NUAK1: variants seen among roughly 807,000 people sequenced by gnomAD.
NUAK1 encodes NUAK family SNF1-like kinase 1.
In NUAK1, 26 loss-of-function variants were observed where a neutral mutation model predicts 56.9. The ratio of observed to expected loss-of-function variants is 0.46; its 90% CI spans 0.33 to 0.63. The LOEUF is 0.63. Ranked by LOEUF, NUAK1 falls within the 30% of genes least tolerant of loss-of-function variation. The pLI is 0.02. For synonymous variants in NUAK1, 337 were observed against 336.0 expected (o/e 1.00, Z -0.03); for missense variants, 727 against 876.1 (o/e 0.83, Z 2.15).
intron 2 of NUAK1, among the ~76,000 whole-genome samples, chr12:106,096,215 A>AAATATTGAAT (rs1275694473): frequency 6.6e-6 from 1 of 152,150 alleles, no homozygotes; most frequent in African/African-American, 2.4e-5. Context: ...AGGCACTAGA[A>AAATATTGAAT]AATATTGAAT....
chr12:106,124,996 CAATAAATAAATA>C (rs55900706), intron 1 of NUAK1, among the ~76,000 whole-genome samples: 8,364 of 147,056 alleles, frequency 0.057, 306 homozygotes, highest in Middle Eastern at 0.1. Context: ...GACTCCATCT[CAATAAATAAATA>C]AATAAATAAA....
chr12:106,067,772 G>C lies in NUAK1; in HGVS notation c.1016C>G (p.Thr339Arg). ...ARIIDWHHRS[T>R]GLQADTEAKM... is the part of the protein sequence containing the mutation. ...GGCTTCGGTGTCAGCCTGCAGCCCT[G>C]TGGAACGGTGGTGCCAGTCAATGAT... is the stretch of plus-strand genomic sequence containing the variant. Residue 339 changes from threonine to arginine, a missense_variant, in exon 7 of 7, where the codon ACA becomes AGA. Physicochemically the swap from Thr to Arg is moderately conservative, Grantham distance 71 (BLOSUM62 -1). Coordinates refer to ENST00000261402, the MANE Select transcript of NUAK1 (RefSeq NM_014840.3). The surrounding 1 kb of genome is among the most constrained non-coding windows in gnomAD (Gnocchi z 6.0). 6.2e-7 allele frequency: 1 copy of C among 1,614,218 alleles called. No individual in the cohort carries two copies. Among genetic ancestry groups the C allele is most frequent in the Non-Finnish European group, 8.5e-7 (1 of 1,180,036 alleles).
Position 106,067,113 on chromosome 12 carries a change from C to G in NUAK1, c.1675G>C (p.Glu559Gln), listed in dbSNP as rs757047758. 2 of 1,614,084 alleles carry G rather than the reference C, an allele frequency of 1.2e-6. No individual in the cohort carries two copies. The highest frequency in any genetic ancestry group is 1.7e-6 in the Non-Finnish European group (2 of 1,180,034). The change falls in exon 7 of 7, where the codon GAG (glutamate) becomes CAG (glutamine). Residue 559 changes from glutamate (E) to glutamine (Q), a missense_variant. Transcript: ENST00000261402. The surrounding 1 kb of genome is among the most constrained non-coding windows in gnomAD (Gnocchi z 6.0). ...CGGCTGTAGCTCCGGGAGAGGCCCTCGGCAGGGACACCAGGCTCTGACAGG... is the reference window on the plus strand; with the variant it reads ...CGGCTGTAGCTCCGGGAGAGGCCCTGGGCAGGGACACCAGGCTCTGACAGG... The part of the protein sequence containing the change: ...ESLSEPGVPA[E>Q]GLSRSYSRPS...
chr12:106,131,246 G>A (rs921454094), intron 1 of NUAK1, among the ~76,000 whole-genome samples: 1 of 151,982 alleles, frequency 6.6e-6, no homozygotes, highest in African/African-American at 2.4e-5. Context: ...GCACAATTCA[G>A]GGGTTTTTAG....
chr12:106,109,183 G>C (rs1362027487), intron 1 of NUAK1, among the ~76,000 whole-genome samples: 8 of 152,118 alleles, frequency 5.3e-5, no homozygotes, highest in Admixed American at 4.6e-4. Context: ...GAGTGGTGGC[G>C]GACCCATCCA....
chr12:106,115,313 T>C (rs1276808645), intron 1 of NUAK1, among the ~76,000 whole-genome samples: 7 of 152,360 alleles, frequency 4.6e-5, no homozygotes, highest in Admixed American at 1.3e-4. Flanking sequence ...TCTATCTTAT[T>C]TTATATTCTA....
At chr12:106,136,107 C>G (rs558895281) in intron 1 of NUAK1, among the ~76,000 whole-genome samples, 89 of 152,260 alleles carry the variant, frequency 5.8e-4, no homozygotes, top group African/African-American at 2.0e-3. Flanking sequence ...GGTTTTTACC[C>G]AGGGATCTGG....
intron 1 of NUAK1, among the ~76,000 whole-genome samples, chr12:106,133,236 C>T (rs1423638566): frequency 1.3e-5 from 2 of 152,048 alleles, no homozygotes; most frequent in South Asian, 2.1e-4. Context: ...TTGGAATGCC[C>T]CACATTCCAA....
In NUAK1 at chr12:106,067,579, C is replaced by A; in HGVS notation, c.1209G>T (p.Lys403Asn). Reference protein sequence around the residue: ...SSKRPKGILKKRSNSEHRSHS... With the variant: ...SSKRPKGILKNRSNSEHRSHS... ...GAGAGCGATGCTCGCTGTTGCTTCG[C>A]TTCTTCAGGATCCCCTTGGGCCTCT... Residue 403 changes from lysine (K) to asparagine (N), a missense_variant, in exon 7 of 7, where the codon AAG becomes AAT. Lys to Asn is a moderately conservative substitution (Grantham distance 94). Coordinates refer to ENST00000261402, the MANE Select transcript of NUAK1 (RefSeq NM_014840.3). The surrounding 1 kb of genome is among the most constrained non-coding windows in gnomAD (Gnocchi z 6.0). The A allele has an allele frequency of 6.2e-7, 1 of 1,614,248 alleles. No homozygotes were observed. The highest frequency in any genetic ancestry group is 8.5e-7 in the Non-Finnish European group (1 of 1,180,048).
rs150923665 is a variant in NUAK1, at chr12:106,095,199, G to C, written c.362-8314C>G. Among the ~76,000 whole-genome samples the C allele has an allele frequency of 2.2e-3, 335 of 152,234 alleles. 3 individuals are homozygous for C. The highest frequency in any genetic ancestry group is 7.3e-3 in the African/African-American group (304 of 41,528). Reference sequence around the variant, plus strand: ...AAATTACACTCACTCACACAATCCTGAATGTGAGAAAGCCCCGGCAATTGA... The same window carrying C: ...AAATTACACTCACTCACACAATCCTCAATGTGAGAAAGCCCCGGCAATTGA... On this transcript the variant is annotated intron_variant, in intron 2 of 6. Coordinates refer to ENST00000261402, the MANE Select transcript of NUAK1 (RefSeq NM_014840.3).
intron 1 of NUAK1, among the ~76,000 whole-genome samples, chr12:106,136,341 A>C (rs993521701): frequency 2.0e-5 from 3 of 152,176 alleles, no homozygotes; most frequent in African/African-American, 7.2e-5. Flanking sequence ...GCTGGTAAAG[A>C]AGCCTCTCTC....
chr12:106,138,720 C>T lies in NUAK1; in HGVS notation c.-67G>A. 1 of 1,432,636 alleles carries T rather than the reference C, an allele frequency of 7.0e-7. No individual in the cohort carries two copies. The highest frequency in any genetic ancestry group is 9.1e-7 in the Non-Finnish European group (1 of 1,100,718). 88.7% of individuals were successfully genotyped at this position (1,432,636 alleles called of 1,614,324 possible). On this transcript the variant is annotated 5_prime_UTR_variant, in exon 1 of 7. Transcript: ENST00000261402. The surrounding 1 kb of genome is among the most constrained non-coding windows in gnomAD (Gnocchi z 5.0). ...GGCACAGCGCTGGGATGTCGGGGTC[C>T]CCACCGAGGGAAGCCGCTGTACGCT...
At chr12:106,083,289 C>T (rs1196332356) in intron 4 of NUAK1, among the ~76,000 whole-genome samples, 1 of 152,110 alleles carries the variant, frequency 6.6e-6, no homozygotes, top group East Asian at 1.9e-4. Flanking sequence ...AGAGTTCCAG[C>T]TCTAAAATAA....
Position 106,098,801 on chromosome 12 carries a change from G to C in NUAK1, c.361+7604C>G, listed in dbSNP as rs140357714. ...TCAAAGGGGAAGTGGGGGTGAGACAGTGCGCCTTTGATGTTTGAACTTCGG... is the reference window on the plus strand; with the variant it reads ...TCAAAGGGGAAGTGGGGGTGAGACACTGCGCCTTTGATGTTTGAACTTCGG... On this transcript the variant is annotated intron_variant, in intron 2 of 6. Transcript: ENST00000261402. 3.5e-3 allele frequency among the ~76,000 whole-genome samples: 535 copies of C among 152,306 alleles called. 4 individuals are homozygous for C. Among genetic ancestry groups the C allele is most frequent in the African/African-American group, 0.012 (501 of 41,574 alleles).
intron 1 of NUAK1, among the ~76,000 whole-genome samples, chr12:106,131,883 G>A (rs1464647307): frequency 6.6e-6 from 1 of 152,156 alleles, no homozygotes; most frequent in African/African-American, 2.4e-5. Flanking sequence ...TTCACGGTGG[G>A]TCATCAGGCC....
chr12:106,103,166 A>T (rs2032765924), intron 2 of NUAK1: 1 of 152,226 alleles, frequency 6.6e-6, no homozygotes, highest in African/African-American at 2.4e-5. Flanking sequence ...TCCCAAGGCC[A>T]CACAGGGCAT....
chr12:106,094,625 A>C (rs1019738377), intron 2 of NUAK1, among the ~76,000 whole-genome samples: 1 of 152,220 alleles, frequency 6.6e-6, no homozygotes, highest in Non-Finnish European at 1.5e-5. Context: ...TTTGCACAAC[A>C]AAAGACTTTT....
chr12:106,114,705 A>G (rs1354638933), intron 1 of NUAK1, among the ~76,000 whole-genome samples: 1 of 152,186 alleles, frequency 6.6e-6, no homozygotes, highest in Non-Finnish European at 1.5e-5. Context: ...CAGGAGGGAT[A>G]AACACTCTGA....
chr12:106,073,043 G>C (rs2032422193), intron 4 of NUAK1, among the ~76,000 whole-genome samples, 200 bp from the exon 5 acceptor site: 1 of 152,176 alleles, frequency 6.6e-6, no homozygotes, highest in African/African-American at 2.4e-5. Flanking sequence ...CCTAGCTGCA[G>C]TCCTTGGCAT....
Sources: allele counts gnomAD v4.1 joint callset (sites outside exome capture counted in the v4.1 genomes callset), GRCh38; gene constraint gnomAD v4.1.1; non-coding constraint Gnocchi (gnomAD v3.1); transcripts MANE v1.5; gene names NCBI Gene and HGNC (gene_info 2026-07-23, HGNC 2026-07-21).